The following SLC7A5 variants were observed in gnomAD, a reference collection of about 807,000 sequenced individuals.
SLC7A5 encodes solute carrier family 7 member 5.
A neutral mutation model predicts 50.2 loss-of-function variants in SLC7A5; 23 were observed. The observed-to-expected ratio is 0.46, with a 90% confidence interval of 0.33 to 0.65. SLC7A5 has a LOEUF of 0.65. Ranked by LOEUF, SLC7A5 falls within the 30% of genes least tolerant of loss-of-function variation. The pLI is 0.02. For synonymous variants in SLC7A5, 393 were observed against 330.6 expected (o/e 1.19, Z -2.05); for missense variants, 578 against 684.4 (o/e 0.84, Z 1.73).
chr16:87,834,469 G>C lies in SLC7A5; in HGVS notation c.1413C>G (p.Val471=). ...GFTIILSGLP[V]YFFGVWWKNK... Reference sequence around the variant, plus strand: ...TTTTCCACCAGACCCCGAAGAAGTAGACGGGCAGCCCGCTGAGGATGATGG... The same window carrying C: ...TTTTCCACCAGACCCCGAAGAAGTACACGGGCAGCCCGCTGAGGATGATGG... The change falls in exon 9 of 10, where the codon GTC becomes GTG. Residue 471 remains valine (V), a synonymous_variant. Coordinates refer to ENST00000261622, the MANE Select transcript of SLC7A5 (RefSeq NM_003486.7). 1 of 1,569,962 alleles carries C rather than the reference G, an allele frequency of 6.4e-7. No homozygotes were observed.
chr16:87,858,193 G>C (rs2055344402), intron 1 of SLC7A5, among the ~76,000 whole-genome samples: 1 of 152,194 alleles, frequency 6.6e-6, no homozygotes, highest in Non-Finnish European at 1.5e-5. Flanking sequence ...CCTTTGCAGG[G>C]ACTGAGCCTC....
intron 2 of SLC7A5, among the ~76,000 whole-genome samples, chr16:87,843,806 G>A (rs2055113300): frequency 6.6e-6 from 1 of 152,192 alleles, no homozygotes; most frequent in South Asian, 2.1e-4. Flanking sequence ...TGGCAGAGGT[G>A]CCAGGCTGAG....
chr16:87,854,194 A>G lies in SLC7A5; in HGVS notation c.539-2345T>C, dbSNP rs148563562. Among the ~76,000 whole-genome samples, 151 of 151,864 alleles carry G rather than the reference A, an allele frequency of 9.9e-4. 2 individuals carry two copies. In the East Asian group the frequency reaches 0.027, roughly 27 times the overall value. On this transcript the variant is annotated intron_variant, in intron 1 of 9. Transcript: ENST00000261622. ...GGAGGGTTCACCAGATCATCTCCTGACGTTGGAAATAACCACAGGACAGAC... is the reference window on the plus strand; with the variant it reads ...GGAGGGTTCACCAGATCATCTCCTGGCGTTGGAAATAACCACAGGACAGAC...
chr16:87,838,948 T>C, intron 5 of SLC7A5, 131 bp from the exon 6 acceptor site: 2 of 730,184 alleles, frequency 2.7e-6, no homozygotes, highest in East Asian at 2.7e-5. Context: ...AGAGGACCTC[T>C]CAGGCTGGAT....
Position 87,832,843 on chromosome 16 carries a change from A to G in SLC7A5, c.*127T>C. On this transcript the variant is annotated 3_prime_UTR_variant, in exon 10 of 10. Coordinates refer to ENST00000261622, the MANE Select transcript of SLC7A5 (RefSeq NM_003486.7). This position sits in a 1 kb window ranked among gnomAD's most constrained non-coding sequence, Gnocchi z 4.6. ...AGCAGCCTCCACTGCCCGACCTGGG[A>G]GGGACGGCGAGGGACTGGGATGGGC... The G allele has an allele frequency of 1.3e-6, 1 of 783,102 alleles. No individual in the cohort carries two copies. Among genetic ancestry groups the G allele is most frequent in the Non-Finnish European group, 2.3e-6 (1 of 437,458 alleles). 48.5% of individuals were successfully genotyped at this position (783,102 alleles called of 1,614,324 possible).
At chr16:87,839,208 G>A (rs1028631241) in intron 5 of SLC7A5, among the ~76,000 whole-genome samples, 2 of 152,214 alleles carry the variant, frequency 1.3e-5, no homozygotes, top group African/African-American at 2.4e-5. Context: ...CCCACTCCCT[G>A]TTCCCCCAGC....
At chr16:87,842,030 G>A (rs2055088680) in intron 2 of SLC7A5, among the ~76,000 whole-genome samples, 1 of 152,214 alleles carries the variant, frequency 6.6e-6, no homozygotes, top group Non-Finnish European at 1.5e-5. Context: ...TGGGCCTGGT[G>A]TGTTCGAGCC....
In SLC7A5 at chr16:87,868,131, A is replaced by G. The variant is rs1279919389; in HGVS notation, c.538+754T>C. Among the ~76,000 whole-genome samples, 122 of 146,540 alleles carry G rather than the reference A, an allele frequency of 8.3e-4. 1 individual carries two copies. The highest frequency in any genetic ancestry group is 2.5e-3 in the African/African-American group (93 of 37,810). The stretch of plus-strand genomic sequence containing the variant: ...ACTCAGTGTCAAAAAAAAAAAAAAA[A>G]AAGAAAGAAAAAGAAAAAGAAAACT... On this transcript the variant is annotated intron_variant, in intron 1 of 9. Coordinates refer to ENST00000261622, the MANE Select transcript of SLC7A5 (RefSeq NM_003486.7).
intron 8 of SLC7A5, among the ~76,000 whole-genome samples, chr16:87,835,126 C>T (rs925292164): frequency 6.6e-6 from 1 of 152,274 alleles, no homozygotes; most frequent in Non-Finnish European, 1.5e-5. Context: ...ACCTGCGGCT[C>T]GGCATGGCTG....
chr16:87,866,460 C>T (rs1326945781), intron 1 of SLC7A5, among the ~76,000 whole-genome samples: 1 of 151,994 alleles, frequency 6.6e-6, no homozygotes, highest in Non-Finnish European at 1.5e-5. Context: ...GCCATGACGC[C>T]CAGCTGATTT....
In SLC7A5 at chr16:87,833,864, T is replaced by A. The variant is rs913338051; in HGVS notation, c.1468+550A>T. On this transcript the variant is annotated intron_variant, in intron 9 of 9. Coordinates refer to ENST00000261622, the MANE Select transcript of SLC7A5 (RefSeq NM_003486.7). This position sits in a 1 kb window ranked among gnomAD's most constrained non-coding sequence, Gnocchi z 6.0. The stretch of plus-strand genomic sequence containing the variant: ...GCGGGTTTCTCCTTCTGCCTTTTTT[T>A]TTTTTTTTGAGAAGAGTCTCGCTCT... 1.3e-5 allele frequency among the ~76,000 whole-genome samples: 2 copies of A among 151,506 alleles called. No homozygotes were observed. The highest frequency in any genetic ancestry group is 4.8e-5 in the African/African-American group (2 of 41,278).
chr16:87,842,340 G>A (rs1421906784), intron 2 of SLC7A5, among the ~76,000 whole-genome samples: 3 of 152,220 alleles, frequency 2.0e-5, no homozygotes, highest in Admixed American at 1.3e-4. Flanking sequence ...TTGGACCACA[G>A]GTCACCATGG....
Position 87,833,878 on chromosome 16 carries a change from G to C in SLC7A5, c.1468+536C>G, listed in dbSNP as rs1209088382. Among the ~76,000 whole-genome samples the C allele has an allele frequency of 2.0e-5, 3 of 148,690 alleles. No individual in the cohort carries two copies. Among genetic ancestry groups the C allele is most frequent in the Non-Finnish European group, 4.5e-5 (3 of 67,386 alleles). ...CTGCCTTTTTTTTTTTTTTTGAGAAGAGTCTCGCTCTGTCGCCCAGGCTGG... is the reference window on the plus strand; with the variant it reads ...CTGCCTTTTTTTTTTTTTTTGAGAACAGTCTCGCTCTGTCGCCCAGGCTGG... On this transcript the variant is annotated intron_variant, in intron 9 of 9. Transcript: ENST00000261622. The surrounding 1 kb of genome is among the most constrained non-coding windows in gnomAD (Gnocchi z 6.0).
intron 4 of SLC7A5, 135 bp downstream of exon 4, chr16:87,840,293 TG>T (rs2055066520): frequency 1.3e-6 from 1 of 789,286 alleles, no homozygotes; most frequent in Non-Finnish European, 2.2e-6. Flanking sequence ...CACATCCTGC[TG>T]GCCCCAGAGG....
At chr16:87,863,591 T>G (rs768711703) in intron 1 of SLC7A5, 1 of 152,114 alleles carries the variant, frequency 6.6e-6, no homozygotes, top group African/African-American at 2.4e-5. Flanking sequence ...TCCTCTCACC[T>G]TTATGACCAG....
chr16:87,854,819 C>T (rs1417212095), intron 1 of SLC7A5, among the ~76,000 whole-genome samples: 1 of 152,246 alleles, frequency 6.6e-6, no homozygotes, highest in Admixed American at 6.5e-5. Flanking sequence ...TCCCACCTGG[C>T]TGGCTGGCAG....
At chr16:87,847,754 C>T (rs1430668269) in intron 2 of SLC7A5, among the ~76,000 whole-genome samples, 2 of 152,180 alleles carry the variant, frequency 1.3e-5, no homozygotes, top group East Asian at 1.9e-4. Context: ...CCACTGCTCA[C>T]GGCTGTGGGA....
At chr16:87,836,770 T>G (rs1194927845) in intron 7 of SLC7A5, 123 bp from the exon 8 acceptor site, 2 of 1,007,196 alleles carry the variant, frequency 2.0e-6, no homozygotes, top group African/African-American at 3.2e-5. Context: ...AATTTTGTTT[T>G]AAAGGAGAAA....
intron 1 of SLC7A5, 25 bp downstream of exon 1, chr16:87,868,860 C>A (rs368013043): frequency 6.3e-7 from 1 of 1,578,918 alleles, no homozygotes; most frequent in South Asian, 1.1e-5. Flanking sequence ...GACCTCCCAA[C>A]CCCCGGCCCG....
Sources: gnomAD v4.1 joint callset for allele counts (sites outside exome capture counted in the v4.1 genomes callset) on GRCh38, gnomAD v4.1.1 for gene constraint, Gnocchi (gnomAD v3.1) non-coding constraint, MANE v1.5 for transcripts, NCBI Gene and HGNC (gene_info 2026-07-23, HGNC 2026-07-21) for gene names.